Variants in CFI observed in about 807,000 individuals in gnomAD.
CFI encodes the protein C3B/C4B inactivator.
A neutral mutation model predicts 78.8 loss-of-function variants in CFI; 66 were observed. The ratio of observed to expected loss-of-function variants is 0.84; its 90% CI spans 0.69 to 1.03. The LOEUF is 1.03. Among genes scored for constraint, CFI ranks in the 50% least tolerant of loss-of-function variants. The pLI is 0.00. For synonymous variants in CFI, 250 were observed against 232.6 expected, an observed-to-expected ratio of 1.07 and a Z score of -0.68; for missense variants, 706 against 704.5, an observed-to-expected ratio of 1.00 and a Z score of -0.02.
chr4:109,788,346 T>C (rs897563442), intron 1 of CFI, among the ~76,000 whole-genome samples: 2 of 152,132 alleles, frequency 1.3e-5, no homozygotes, highest in East Asian at 3.8e-4. Flanking sequence ...CCATCATCAA[T>C]ATATGAGAAT....
At position 109,760,504 on chromosome 4, in the gene CFI, AG is replaced by A; in HGVS notation, c.772+18del. 1 of 1,501,916 alleles carries A rather than the reference AG, an allele frequency of 6.7e-7. No homozygotes were observed. The highest frequency in any genetic ancestry group is 9.3e-7 in the Non-Finnish European group (1 of 1,077,618). The allele number at this position is 1,501,916 out of a possible 1,614,324, so 93.0% of individuals were successfully genotyped here. On this transcript the variant is annotated intron_variant, in intron 5 of 12. Transcript: ENST00000394634. ...AGAAAAATGAATTTAGAGGATTTAGAGGCTAGATTTATGTCTACCTTTACAA... is the reference window on the plus strand; with the variant it reads ...AGAAAAATGAATTTAGAGGATTTAGAGCTAGATTTATGTCTACCTTTACAA...
chr4:109,732,234 A>ATCTC, the CFI span, among the ~76,000 whole-genome samples: 1 of 152,058 alleles, frequency 6.6e-6, no homozygotes, highest in South Asian at 2.1e-4. Context: ...TCTTTGTCTG[A>ATCTC]TCTCTCCTTA....
chr4:109,759,887 T>G (rs1726808630), intron 6 of CFI, among the ~76,000 whole-genome samples: 1 of 151,964 alleles, frequency 6.6e-6, no homozygotes, highest in Admixed American at 6.6e-5. Flanking sequence ...GAGCAAGACT[T>G]CATCACAAAA....
At chr4:109,795,605 TA>T (rs1327091950) in intron 1 of CFI, among the ~76,000 whole-genome samples, 2 of 152,028 alleles carry the variant, frequency 1.3e-5, no homozygotes, top group African/African-American at 4.8e-5. Flanking sequence ...GATAAACAAC[TA>T]CACAAAATTA....
At chr4:109,733,650 A>G in the CFI span, among the ~76,000 whole-genome samples, 3 of 152,210 alleles carry the variant, frequency 2.0e-5, no homozygotes, top group African/African-American at 2.4e-5. Context: ...AATATGAGAG[A>G]AAAAGAGGAA....
rs760631888 is a variant in CFI at position 109,801,986 on chromosome 4, G to A, written c.-15C>T. 2 of 1,605,860 alleles carry A rather than the reference G, an allele frequency of 1.2e-6. No homozygotes were observed. The highest frequency in any genetic ancestry group is 2.2e-5 in the South Asian group (2 of 90,784). ...AGAAGCTTCATGTTGGAGGTGTTCG[G>A]GGTCTTTGTCTCTGCTGAGAACTCT... On this transcript the variant is annotated 5_prime_UTR_variant, in exon 1 of 13. Transcript: ENST00000394634.
At chr4:109,767,012 C>A (rs1420062695) in intron 1 of CFI, among the ~76,000 whole-genome samples, 188 bp from the exon 2 acceptor site, 1 of 152,034 alleles carries the variant, frequency 6.6e-6, no homozygotes, top group African/African-American at 2.4e-5. Flanking sequence ...ACAAACTTGA[C>A]AAAAACAAGA....
Position 109,801,957 on chromosome 4 carries a change from A to C in CFI, c.15T>G (p.His5Gln). The change falls in exon 1 of 13, where the codon CAT (histidine) becomes CAG (glutamine). Residue 5 changes from histidine (H) to glutamine (Q), a missense_variant. By Grantham distance (24) the His-to-Gln change is conservative. Coordinates refer to ENST00000394634, the MANE Select transcript of CFI (RefSeq NM_000204.5). ...GGAAGCACAGAAATAACAGGAAAAC[A>C]TGAAGAAGCTTCATGTTGGAGGTGT... MKLLHVFLLFLCFHL... is the reference protein window; with the variant it reads MKLLQVFLLFLCFHL... The C allele has an allele frequency of 6.2e-7, 1 of 1,612,894 alleles. No homozygotes were observed. The highest frequency in any genetic ancestry group is 8.5e-7 in the Non-Finnish European group (1 of 1,179,058).
At chr4:109,756,503 A>G (rs995919938) in intron 7 of CFI, among the ~76,000 whole-genome samples, 1 of 151,976 alleles carries the variant, frequency 6.6e-6, no homozygotes, top group Non-Finnish European at 1.5e-5. Flanking sequence ...ATGACAAGTG[A>G]GAGAATGCAA....
At chr4:109,794,020 G>C (rs1015127176) in intron 1 of CFI, 1 of 152,174 alleles carries the variant, frequency 6.6e-6, no homozygotes, top group African/African-American at 2.4e-5. Flanking sequence ...TGAGAAAGCT[G>C]CTGCTAATCT....
downstream of CFI, chr4:109,740,672 A>C (rs1723672843): frequency 5.1e-6 from 3 of 585,654 alleles, no homozygotes; most frequent in South Asian, 1.8e-5. Flanking sequence ...AATTTAATAA[A>C]ATTTTCTGAT....
chr4:109,796,134 A>C (rs1396738272), intron 1 of CFI, among the ~76,000 whole-genome samples: 1 of 152,266 alleles, frequency 6.6e-6, no homozygotes, highest in South Asian at 2.1e-4. Context: ...TACAAAGAAA[A>C]CCCTATAAAA....
chr4:109,756,913 GAAAGA>G (rs1165213735), intron 7 of CFI, among the ~76,000 whole-genome samples: 2 of 101,940 alleles, frequency 2.0e-5, no homozygotes, highest in Non-Finnish European at 4.1e-5. Context: ...AAGAAAGAAA[GAAAGA>G]AAGAAAGAAA....
intron 1 of CFI, among the ~76,000 whole-genome samples, chr4:109,788,142 C>T (rs1730976621): frequency 6.6e-6 from 1 of 152,016 alleles, no homozygotes. Flanking sequence ...TAGATAGTTT[C>T]TAATGTTTTA....
intron 10 of CFI, among the ~76,000 whole-genome samples, chr4:109,748,983 A>G (rs538316947): frequency 2.0e-5 from 3 of 152,256 alleles, no homozygotes; most frequent in Admixed American, 6.5e-5. Context: ...TTTGGCAGCT[A>G]TGGGTTTGAT....
chr4:109,752,590 A>G, intron 7 of CFI, 87 bp from the exon 8 acceptor site: 1 of 1,163,530 alleles, frequency 8.6e-7, no homozygotes, highest in East Asian at 2.4e-5. Context: ...ACTGATTATA[A>G]TTTTCTGCCT....
intron 1 of CFI, among the ~76,000 whole-genome samples, chr4:109,799,896 A>C (rs1194653637): frequency 6.6e-6 from 1 of 152,232 alleles, no homozygotes; most frequent in East Asian, 1.9e-4. Flanking sequence ...CACAAAGGAC[A>C]GACACGCAAA....
intron 11 of CFI, 127 bp downstream of exon 11, chr4:109,746,095 G>A (rs1235964961): frequency 1.7e-6 from 2 of 1,150,366 alleles, no homozygotes; most frequent in African/African-American, 3.1e-5. Context: ...AGCCATGGCT[G>A]GATGTTTACT....
At chr4:109,755,285 G>T (rs529326597) in intron 7 of CFI, among the ~76,000 whole-genome samples, 8 of 152,164 alleles carry the variant, frequency 5.3e-5, no homozygotes, top group Admixed American at 6.5e-5. Context: ...TGGGGTTGAA[G>T]AAAACCCGCA....
Sources: allele counts gnomAD v4.1 joint callset (sites outside exome capture counted in the v4.1 genomes callset), GRCh38; gene constraint gnomAD v4.1.1; transcripts MANE v1.5; gene names NCBI Gene and HGNC (gene_info 2026-07-23, HGNC 2026-07-21).